Variants in ANKRD30B observed in about 807,000 individuals in gnomAD.
The protein encoded by ANKRD30B is ankyrin repeat domain 30B, also known as ankyrin repeat domain-containing protein 30B.
ANKRD30B carries 144 observed loss-of-function variants against 202.2 expected under a neutral mutation model. That is an observed-to-expected ratio of 0.71 (90% CI 0.62 to 0.82). The LOEUF (loss-of-function observed/expected upper bound fraction) is 0.82. Ranked by LOEUF, ANKRD30B falls within the 40% of genes least tolerant of loss-of-function variation. The pLI is 0.00. For missense variants in ANKRD30B, 1,487 were observed against 1,669.1 expected (o/e 0.89, Z 1.90); for synonymous variants, 508 against 561.3 (o/e 0.91, Z 1.34).
intron 32 of ANKRD30B, 117 bp from the exon 33 acceptor site, chr18:14,828,161 C>G (rs1219968788): frequency 9.4e-6 from 7 of 743,248 alleles, no homozygotes; most frequent in Non-Finnish European, 1.5e-5. Context: ...TCCTGCCTCA[C>G]CTTCCCAAGT....
chr18:14,846,391 T>A (rs554889280), intron 39 of ANKRD30B, among the ~76,000 whole-genome samples: 311 of 152,004 alleles, frequency 2.0e-3, no homozygotes, highest in Middle Eastern at 0.01. Flanking sequence ...ATGACTTAAA[T>A]CCTTCTTAAT....
intron 1 of ANKRD30B, among the ~76,000 whole-genome samples, chr18:14,751,835 G>A (rs1913503969): frequency 6.8e-6 from 1 of 147,374 alleles, no homozygotes; most frequent in African/African-American, 2.5e-5. Flanking sequence ...CTGTGACTAG[G>A]ACTGCCATCG....
At chr18:14,792,458 G>C (rs968474246) in intron 16 of ANKRD30B, among the ~76,000 whole-genome samples, 1 of 152,028 alleles carries the variant, frequency 6.6e-6, no homozygotes. Context: ...GTGTTGAATG[G>C]GAAGAAACAA....
chr18:14,883,397 CTCTATATA>C, the ANKRD30B span: 1 of 52,396 alleles, frequency 1.9e-5, no homozygotes, highest in African/African-American at 8.4e-5. Flanking sequence ...CTCTCTCTCT[CTCTATATA>C]TATATATATA....
At chr18:14,831,211 A>G (rs951936570) in intron 33 of ANKRD30B, among the ~76,000 whole-genome samples, 172 bp from the exon 34 acceptor site, 4 of 149,444 alleles carry the variant, frequency 2.7e-5, no homozygotes, top group Non-Finnish European at 5.9e-5. Flanking sequence ...CGAAAACCAG[A>G]TGGCATATTT....
chr18:14,784,910 A>G (rs950303396), intron 14 of ANKRD30B, among the ~76,000 whole-genome samples: 11 of 152,174 alleles, frequency 7.2e-5, no homozygotes, highest in African/African-American at 2.7e-4. Flanking sequence ...TTTTACTGAT[A>G]TAACACTTGT....
Position 14,805,253 on chromosome 18 carries a change from T to C in ANKRD30B, c.2284+1429T>C, listed in dbSNP as rs4075383. ...ATTTTAAAAACCATAATTCTGAATT[T>C]ATGACTTGAATACTTAAATTGTTGT... On this transcript the variant is annotated intron_variant, in intron 24 of 43. Coordinates refer to ENST00000690538, the MANE Select transcript of ANKRD30B (RefSeq NM_001367607.2). 1.3e-3 allele frequency among the ~76,000 whole-genome samples: 191 copies of C among 150,858 alleles called. 7 individuals carry two copies. Among genetic ancestry groups the C allele is most frequent in the South Asian group, 3.8e-3 (18 of 4,752 alleles).
the ANKRD30B span, among the ~76,000 whole-genome samples, chr18:14,894,845 C>T: frequency 2.0e-4 from 26 of 127,914 alleles, no homozygotes; most frequent in African/African-American, 7.0e-4. Context: ...ATATATCCAA[C>T]ATATACAAAA....
chr18:14,778,617 G>C (rs1967526955), intron 10 of ANKRD30B, among the ~76,000 whole-genome samples: 1 of 152,200 alleles, frequency 6.6e-6, no homozygotes, highest in African/African-American at 2.4e-5. Context: ...TTGCACAGCT[G>C]TGCGTGTATA....
chr18:14,750,565 C>T (rs1183494295), intron 1 of ANKRD30B, among the ~76,000 whole-genome samples: 2 of 152,038 alleles, frequency 1.3e-5, no homozygotes, highest in African/African-American at 4.8e-5. Flanking sequence ...ATTGTATATG[C>T]CCATTAGTGA....
the ANKRD30B span, among the ~76,000 whole-genome samples, chr18:14,925,041 G>T: frequency 1.3e-5 from 2 of 152,222 alleles, no homozygotes; most frequent in Admixed American, 6.5e-5. Flanking sequence ...ACCATGGCCT[G>T]GTATGTAGCC....
intron 39 of ANKRD30B, among the ~76,000 whole-genome samples, chr18:14,847,292 A>T (rs1238436968): frequency 1.3e-5 from 2 of 151,742 alleles, no homozygotes; most frequent in East Asian, 3.9e-4. Context: ...CATAGATGGT[A>T]TAAGAAATTC....
At chr18:14,784,912 A>G (rs1488421432) in intron 14 of ANKRD30B, among the ~76,000 whole-genome samples, 1 of 152,142 alleles carries the variant, frequency 6.6e-6, no homozygotes, top group African/African-American at 2.4e-5. Flanking sequence ...TTACTGATAT[A>G]ACACTTGTGT....
chr18:14,797,061 A>G (rs903851587), intron 18 of ANKRD30B, among the ~76,000 whole-genome samples: 5 of 152,328 alleles, frequency 3.3e-5, no homozygotes, highest in African/African-American at 9.6e-5. Context: ...GCTGGTTACA[A>G]ACAATCCATA....
intron 41 of ANKRD30B, among the ~76,000 whole-genome samples, chr18:14,850,693 C>A (rs1175723865): frequency 2.0e-5 from 3 of 151,864 alleles, no homozygotes; most frequent in Admixed American, 6.6e-5. Context: ...ACATTTAATA[C>A]TGACTCAAAC....
intron 7 of ANKRD30B, among the ~76,000 whole-genome samples, chr18:14,764,450 C>T (rs1442118589): frequency 6.6e-5 from 10 of 151,982 alleles, no homozygotes; most frequent in Non-Finnish European, 8.8e-5. Context: ...AGTGCAATGG[C>T]GCGAGCGATC....
intron 36 of ANKRD30B, among the ~76,000 whole-genome samples, chr18:14,839,874 C>CAAAAAAA (rs569621606): frequency 2.2e-3 from 335 of 152,154 alleles, no homozygotes; most frequent in African/African-American, 7.7e-3. Flanking sequence ...AGTTTTTAAC[C>CAAAAAAA]AAAAAAACTA....
the ANKRD30B span, among the ~76,000 whole-genome samples, chr18:14,863,697 T>C: frequency 2.2e-3 from 336 of 150,730 alleles, 2 homozygotes; most frequent in African/African-American, 7.9e-3. Context: ...AAATAGATGG[T>C]ATCAATCTTA....
chr18:14,828,054 A>G (rs2143052286), intron 32 of ANKRD30B, among the ~76,000 whole-genome samples: 1 of 152,272 alleles, frequency 6.6e-6, no homozygotes, highest in South Asian at 2.1e-4. Flanking sequence ...CAAGACCTTA[A>G]TCATGCATGA....
Sources: allele counts gnomAD v4.1 joint callset (sites outside exome capture counted in the v4.1 genomes callset), GRCh38; gene constraint gnomAD v4.1.1; transcripts MANE v1.5; gene names NCBI Gene and HGNC (gene_info 2026-07-23, HGNC 2026-07-21).